The following MSH5 variants were observed in gnomAD, a reference collection of about 807,000 sequenced individuals.
The protein encoded by MSH5 is mutS protein homolog 5.
A neutral mutation model predicts 107.7 loss-of-function variants in MSH5; 78 were observed. The ratio of observed to expected loss-of-function variants is 0.72; its 90% confidence interval spans 0.60 to 0.87. The LOEUF is 0.87. Among genes scored for constraint, MSH5 ranks in the 40% least tolerant of loss-of-function variants. The pLI, the probability that MSH5 is intolerant of heterozygous loss-of-function variation, is 0.00. For missense variants in MSH5, 889 were observed against 1,046.6 expected (o/e 0.85, Z 2.08); for synonymous variants, 326 against 399.5 (o/e 0.82, Z 2.19).
rs1389783063 is a variant in MSH5, at chr6:31,760,519, A to C, written c.1813-171A>C. Among the ~76,000 whole-genome samples the C allele has an allele frequency of 6.6e-6, 1 of 152,220 alleles. No homozygotes were observed. The highest frequency in any genetic ancestry group is 1.5e-5 in the Non-Finnish European group (1 of 68,038). ...CTCTTCACTGATTCTAAATTAGCCC[A>C]CAGGGCTATGGTCAGGATTCGGGGA... On this transcript the variant is annotated intron_variant, in intron 19 of 24. Coordinates refer to ENST00000375750, the MANE Select transcript of MSH5 (RefSeq NM_172166.4). The surrounding 1 kb of genome is among the most constrained non-coding windows in gnomAD (Gnocchi z 5.6).
chr6:31,742,997 A>G (rs1809051349), intron 4 of MSH5, 40 bp downstream of exon 4: 3 of 1,610,632 alleles, frequency 1.9e-6, no homozygotes, highest in Non-Finnish European at 2.5e-6. Context: ...ATGGGGAAGG[A>G]CTAATATATG....
At position 31,753,360 on chromosome 6, in the gene MSH5, T is replaced by G. The variant is rs1810138154; in HGVS notation, c.872T>G (p.Ile291Ser). 2 of 1,614,034 alleles carry G rather than the reference T, an allele frequency of 1.2e-6. No individual in the cohort carries two copies. Among genetic ancestry groups the G allele is most frequent in the Non-Finnish European group, 8.5e-7 (1 of 1,180,036 alleles). Reference protein sequence around the residue: ...LGELSSRLDVIQFFLLPQNLD... With the variant: ...LGELSSRLDVSQFFLLPQNLD... The stretch of plus-strand genomic sequence containing the variant: ...GAGCTCAGTTCTCGTCTGGACGTCA[T>G]TCAGTTTTTTCTGCTGCCCCAGAAT... The change falls in exon 11 of 25, where the codon ATT (isoleucine) becomes AGT (serine). Residue 291 changes from isoleucine to serine, a missense_variant. This residue lies in a region of MSH5 where 518 missense variants were observed against 565.0 expected (regional missense o/e 0.92). Coordinates refer to ENST00000375750, the MANE Select transcript of MSH5 (RefSeq NM_172166.4).
intron 10 of MSH5, among the ~76,000 whole-genome samples, chr6:31,748,001 T>C: frequency 2.4e-5 from 1 of 41,828 alleles, no homozygotes; most frequent in East Asian, 5.0e-4. Context: ...AGACTCCGTC[T>C]CAAAAAAAAA....
Position 31,760,090 on chromosome 6 carries a change from A to G in MSH5, c.1686A>G (p.Arg562=). The G allele has an allele frequency of 6.2e-7, 1 of 1,602,066 alleles. No homozygotes were observed. Among genetic ancestry groups the G allele is most frequent in the Non-Finnish European group, 8.5e-7 (1 of 1,173,340 alleles). The change falls in exon 19 of 25, where the codon AGA becomes AGG. Residue 562 remains arginine (R), a splice_region_variant and synonymous_variant. Transcript: ENST00000375750. The surrounding 1 kb of genome is among the most constrained non-coding windows in gnomAD (Gnocchi z 5.6). ...CGAGGTGCCTCTCCGCCCACTGCAGACATCCTCTGATGGAACTCTGTGCCC... is the reference window on the plus strand; with the variant it reads ...CGAGGTGCCTCTCCGCCCACTGCAGGCATCCTCTGATGGAACTCTGTGCCC... ...QVLGVRIQNG[R]HPLMELCART...
chr6:31,755,793 G>A (rs1810396894), intron 12 of MSH5, among the ~76,000 whole-genome samples: 1 of 152,146 alleles, frequency 6.6e-6, no homozygotes, highest in Non-Finnish European at 1.5e-5. Flanking sequence ...ACGATGCCCA[G>A]TCAGATGATG....
chr6:31,757,648 T>C (rs1810565779), intron 12 of MSH5: 1 of 158,464 alleles, frequency 6.3e-6, no homozygotes, highest in Admixed American at 6.2e-5. Context: ...TGTGAGCACA[T>C]CTGGGACAGG....
chr6:31,743,208 C>T (rs777181398), intron 5 of MSH5, 38 bp downstream of exon 5: 71 of 1,596,440 alleles, frequency 4.4e-5, no homozygotes, highest in Non-Finnish European at 5.7e-5. Context: ...CTCCCTGTTC[C>T]GGTGTCCCAT....
At position 31,740,435 on chromosome 6, in the gene MSH5, T is replaced by C; in HGVS notation, c.-13-19T>C. ...GTGAATCGTTGCTTCCGAACCGCCC[T>C]CACTTTTTGCATCCGCAGAGCCTCC... On this transcript the variant is annotated intron_variant, in intron 1 of 24. Coordinates refer to ENST00000375750, the MANE Select transcript of MSH5 (RefSeq NM_172166.4). This position sits in a 1 kb window ranked among gnomAD's most constrained non-coding sequence, Gnocchi z 4.4. The C allele has an allele frequency of 6.5e-7, 1 of 1,546,398 alleles. No homozygotes were observed. Among genetic ancestry groups the C allele is most frequent in the Non-Finnish European group, 8.7e-7 (1 of 1,144,880 alleles).
At chr6:31,745,802 C>G (rs1464680659) in intron 9 of MSH5, among the ~76,000 whole-genome samples, 1 of 133,778 alleles carries the variant, frequency 7.5e-6, no homozygotes, top group East Asian at 2.2e-4. Context: ...GAGTCTCGCT[C>G]TGTCGCCCAG....
intron 10 of MSH5, among the ~76,000 whole-genome samples, chr6:31,750,431 T>C (rs1284666474): frequency 6.6e-6 from 1 of 152,196 alleles, no homozygotes; most frequent in African/African-American, 2.4e-5. Flanking sequence ...TAAAGGGCAC[T>C]GTCCTAGGAG....
chr6:31,747,103 G>A lies in MSH5; in HGVS notation c.767-284G>A, dbSNP rs1006518621. ...CAGAGTGCTGGGATTACAGGCGTGAGCCACCGTGCCTGGCCAGTTCTTGAG... is the reference window on the plus strand; with the variant it reads ...CAGAGTGCTGGGATTACAGGCGTGAACCACCGTGCCTGGCCAGTTCTTGAG... On this transcript the variant is annotated intron_variant, in intron 9 of 24. Transcript: ENST00000375750. Among the ~76,000 whole-genome samples, 9 of 152,326 alleles carry A rather than the reference G, an allele frequency of 5.9e-5. No individual in the cohort carries two copies. The South Asian group carries it at 1.7e-3, about 28-fold the overall frequency.
At position 31,760,650 on chromosome 6, in the gene MSH5, A is replaced by G; in HGVS notation, c.1813-40A>G. ...TTGAGCCTCACTTTCACCTCAGCCC[A>G]CGGCACCAGGCCCCAGGCCCTGTCT... On this transcript the variant is annotated intron_variant, in intron 19 of 24. Transcript: ENST00000375750. The surrounding 1 kb of genome is among the most constrained non-coding windows in gnomAD (Gnocchi z 5.6). 6.2e-7 allele frequency: 1 copy of G among 1,612,130 alleles called. No individual in the cohort carries two copies. The highest frequency in any genetic ancestry group is 8.5e-7 in the Non-Finnish European group (1 of 1,179,980).
At chr6:31,755,261 C>G (rs1810345012) in intron 12 of MSH5, among the ~76,000 whole-genome samples, 1 of 152,150 alleles carries the variant, frequency 6.6e-6, no homozygotes, top group Non-Finnish European at 1.5e-5. Context: ...AAGCGATCCT[C>G]CCCCCTCAGC....
Position 31,760,151 on chromosome 6 carries a change from G to A in MSH5, c.1747G>A (p.Asp583Asn). The A allele has an allele frequency of 6.2e-7, 1 of 1,611,778 alleles. No individual in the cohort carries two copies. Residue 583 changes from aspartate to asparagine, a missense_variant, in exon 19 of 25, where the codon GAC becomes AAC. By Grantham distance (23) the Asp-to-Asn change is conservative. Around this residue, in one of 3 missense-constraint regions of MSH5, gnomAD observed 362 missense variants for 456.2 expected, o/e 0.79. Coordinates refer to ENST00000375750, the MANE Select transcript of MSH5 (RefSeq NM_172166.4). This position sits in a 1 kb window ranked among gnomAD's most constrained non-coding sequence, Gnocchi z 5.6. The part of the protein sequence containing the change: ...FVPNSTECGG[D>N]KGRVKVITGP... ...GCCCAACTCCACAGAATGTGGTGGG[G>A]ACAAAGGGAGGGTCAAAGTCATCAC...
chr6:31,741,349 ACACACACAC>A, intron 3 of MSH5, 63 bp downstream of exon 3: 1 of 784,384 alleles, frequency 1.3e-6, no homozygotes. Context: ...ACACACACAC[ACACACACAC>A]ACACACACAC....
intron 12 of MSH5, chr6:31,754,015 C>T (rs1185260587): frequency 5.6e-6 from 1 of 179,452 alleles, no homozygotes; most frequent in Non-Finnish European, 1.2e-5. Flanking sequence ...TGTGAACCAC[C>T]AGGCCCGGCC....
In MSH5 at chr6:31,761,076, CTTGCAG is replaced by C; in HGVS notation, c.1963-110_1963-105del. 1 of 1,115,236 alleles carries C rather than the reference CTTGCAG, an allele frequency of 9.0e-7. No individual in the cohort carries two copies. The highest frequency in any genetic ancestry group is 1.3e-6 in the Non-Finnish European group (1 of 766,860). 69.1% of individuals were successfully genotyped at this position (1,115,236 alleles called of 1,614,324 possible). ...AAGCGTGCACCTCACCATTCAAGAA[CTTGCAG>C]TGCAGTAGGGAGGGCATGTATACAG... is the stretch of plus-strand genomic sequence containing the variant. On this transcript the variant is annotated intron_variant, in intron 20 of 24. Coordinates refer to ENST00000375750, the MANE Select transcript of MSH5 (RefSeq NM_172166.4). This position sits in a 1 kb window ranked among gnomAD's most constrained non-coding sequence, Gnocchi z 5.3.
intron 8 of MSH5, 84 bp from the exon 9 acceptor site, chr6:31,745,153 G>T: frequency 2.8e-6 from 2 of 723,012 alleles, no homozygotes; most frequent in Non-Finnish European, 5.0e-6. Flanking sequence ...GATATCCCCT[G>T]TCCCCATTCC....
Position 31,759,274 on chromosome 6 carries a change from C to T in MSH5, c.1407+97C>T, listed in dbSNP as rs573283848. Reference sequence around the variant, plus strand: ...ACAGCAGCACTGCCCAATATGGGATCTCTCCTCTGTAGTTTTACTCTGAGC... The same window carrying T: ...ACAGCAGCACTGCCCAATATGGGATTTCTCCTCTGTAGTTTTACTCTGAGC... On this transcript the variant is annotated intron_variant, in intron 16 of 24. Transcript: ENST00000375750. The surrounding 1 kb of genome is among the most constrained non-coding windows in gnomAD (Gnocchi z 4.7). 1 of 1,368,048 alleles carries T rather than the reference C, an allele frequency of 7.3e-7. No homozygotes were observed. Among genetic ancestry groups the T allele is most frequent in the Non-Finnish European group, 1.0e-6 (1 of 958,410 alleles). The allele number at this position is 1,368,048 out of a possible 1,614,324, so 84.7% of individuals were successfully genotyped here.
Sources: gnomAD v4.1 joint callset for allele counts (sites outside exome capture counted in the v4.1 genomes callset) on GRCh38, gnomAD v4.1.1 for gene constraint, gnomAD v4.1.1 regional missense constraint, Gnocchi (gnomAD v3.1) non-coding constraint, MANE v1.5 for transcripts, NCBI Gene and HGNC (gene_info 2026-07-23, HGNC 2026-07-21) for gene names.